The following NFRKB variants were observed in gnomAD, a reference collection of about 807,000 sequenced individuals.
NFRKB encodes nuclear factor related to kappa-B-binding protein.
In NFRKB, 62 loss-of-function variants were observed where a neutral mutation model predicts 135.7. The observed-to-expected ratio is 0.46, with a 90% confidence interval of 0.37 to 0.56. The LOEUF is 0.56. NFRKB is among the 20% of genes least tolerant of loss of function. The pLI, the probability that NFRKB is intolerant of heterozygous loss-of-function variation, is 0.00. For synonymous variants in NFRKB, 678 were observed against 635.6 expected (o/e 1.07, Z -1.00); for missense variants, 1,545 against 1,662.0 (o/e 0.93, Z 1.22).
chr11:129,881,825 G>T lies in NFRKB; in HGVS notation c.1220C>A (p.Ser407Ter). 1 of 1,611,928 alleles carries T rather than the reference G, an allele frequency of 6.2e-7. No individual in the cohort carries two copies. Among genetic ancestry groups the T allele is most frequent in the Non-Finnish European group, 8.5e-7 (1 of 1,179,138 alleles). ...GCTGTTGAGGGAGCTGGCTGGCGAT[G>T]ACTGCCAATCCAAAACTCGCTCCTC... Reference protein sequence around the residue: ...MLEERVLDWQSSPASSLNSWF... With the variant: ...MLEERVLDWQ The change falls in exon 12 of 27, where the codon TCA becomes TAA. Residue 407 changes from serine (S) to a stop codon, truncating the protein, a stop_gained. Coordinates refer to ENST00000682444, the MANE Select transcript of NFRKB (RefSeq NM_001143835.2). LOFTEE classifies it high-confidence loss of function.
chr11:129,893,151 G>A, intron 2 of NFRKB: 1 of 1,089,270 alleles, frequency 9.2e-7, no homozygotes, highest in Non-Finnish European at 1.2e-6. Context: ...AGTAAAATGA[G>A]ACTGAGAATA....
At chr11:129,868,952 G>A (rs1367993868) in intron 24 of NFRKB, among the ~76,000 whole-genome samples, 3 of 152,030 alleles carry the variant, frequency 2.0e-5, no homozygotes, top group African/African-American at 7.3e-5. Flanking sequence ...CCCAGGAGGC[G>A]GAGGTTGCAG....
At position 129,876,876 on chromosome 11, in the gene NFRKB, T is replaced by C; in HGVS notation, c.1592A>G (p.Gln531Arg). 1 of 1,614,052 alleles carries C rather than the reference T, an allele frequency of 6.2e-7. No homozygotes were observed. Among genetic ancestry groups the C allele is most frequent in the Non-Finnish European group, 8.5e-7 (1 of 1,179,994 alleles). Residue 531 changes from glutamine to arginine, a missense_variant, in exon 17 of 27, where the codon CAA (glutamine) becomes CGA (arginine). By Grantham distance (43) the Gln-to-Arg change is conservative (BLOSUM62 1). Around this residue, in one of 3 missense-constraint regions of NFRKB, gnomAD observed 114 missense variants for 211.0 expected, o/e 0.54. Coordinates refer to ENST00000682444, the MANE Select transcript of NFRKB (RefSeq NM_001143835.2). ...GCGAAAGGTGAACGCCTTATGGGGTTGGCTATACCTGTAACGCTCCTACCA... is the reference window on the plus strand; with the variant it reads ...GCGAAAGGTGAACGCCTTATGGGGTCGGCTATACCTGTAACGCTCCTACCA... ...FQEQERYRYS[Q>R]PHKAFTFRMH...
Position 129,870,199 on chromosome 11 carries a change from G to A in NFRKB, c.2826C>T (p.Ala942=). 2 of 1,614,216 alleles carry A rather than the reference G, an allele frequency of 1.2e-6. No individual in the cohort carries two copies. The highest frequency in any genetic ancestry group is 1.3e-5 in the African/African-American group (1 of 75,068). Residue 942 remains alanine (A), a synonymous_variant, in exon 24 of 27, where the codon GCC becomes GCT. Transcript: ENST00000682444. ...CCTTACCCTGGATGCGGAAGTTAGT[G>A]GCTGTGAGTGGAATGCTGTTGCCTG... ...PQTGNSIPLT[A]TNFRIQGKDV... is the part of the protein sequence containing the mutation.
intron 8 of NFRKB, 139 bp downstream of exon 8, chr11:129,883,931 G>C (rs1949147811): frequency 3.4e-6 from 3 of 893,136 alleles, no homozygotes; most frequent in Admixed American, 3.5e-5. Context: ...ATGCTAGCTA[G>C]CCTCGCCAGC....
chr11:129,876,624 G>A, intron 17 of NFRKB, 97 bp downstream of exon 17: 1 of 1,354,094 alleles, frequency 7.4e-7, no homozygotes, highest in Non-Finnish European at 1.0e-6. Context: ...AGCCTACCCT[G>A]GGTGGAGGGG....
At chr11:129,891,926 A>G (rs1436636694) in intron 3 of NFRKB, among the ~76,000 whole-genome samples, 2 of 152,202 alleles carry the variant, frequency 1.3e-5, no homozygotes, top group East Asian at 3.8e-4. Flanking sequence ...GGTCAGGGAG[A>G]GATTAACTGC....
At chr11:129,871,379 T>A (rs1783917) in intron 23 of NFRKB, among the ~76,000 whole-genome samples, 25,825 of 152,034 alleles carry the variant, frequency 0.17, 2,350 homozygotes, top group African/African-American at 0.24. Flanking sequence ...AAGCCACCAA[T>A]CCACTGGCCC....
At position 129,886,460 on chromosome 11, in the gene NFRKB, G is replaced by GTA; in HGVS notation, c.338-18_338-17dup. On this transcript the variant is annotated splice_polypyrimidine_tract_variant and intron_variant, in intron 4 of 26. Transcript: ENST00000682444. ...AAGTGTCCGTCTTAAAAAAATAAAG[G>GTA]TATATATATTTACATCAATCAACAA... 1.2e-6 allele frequency: 2 copies of GTA among 1,610,514 alleles called. No individual in the cohort carries two copies. The highest frequency in any genetic ancestry group is 1.7e-6 in the Non-Finnish European group (2 of 1,177,750).
At chr11:129,892,635 T>C in intron 3 of NFRKB, 80 bp downstream of exon 3, 3 of 1,445,362 alleles carry the variant, frequency 2.1e-6, no homozygotes, top group East Asian at 4.6e-5. Context: ...AGACTGGAAA[T>C]GTAGAGTGGA....
At position 129,884,162 on chromosome 11, in the gene NFRKB, C is replaced by T. The variant is rs764373362; in HGVS notation, c.743-19G>A. 4 of 1,609,288 alleles carry T rather than the reference C, an allele frequency of 2.5e-6. No homozygotes were observed. The African/African-American group carries it at 5.4e-5, about 22-fold the overall frequency. On this transcript the variant is annotated intron_variant, in intron 7 of 26. Coordinates refer to ENST00000682444, the MANE Select transcript of NFRKB (RefSeq NM_001143835.2). ...ACTTTATCTGAGAAAACAAACCAAA[C>T]CATATTCACTATCATGATTCTCCAA...
Position 129,874,397 on chromosome 11 carries a change from C to T in NFRKB, c.2059-64G>A. On this transcript the variant is annotated intron_variant, in intron 20 of 26. Coordinates refer to ENST00000682444, the MANE Select transcript of NFRKB (RefSeq NM_001143835.2). The surrounding 1 kb of genome is among the most constrained non-coding windows in gnomAD (Gnocchi z 4.5). Reference sequence around the variant, plus strand: ...AAGATCCCCCTAAAGGAAGGGACACCCCTACAGCTCCTGATGCCCCACACC... The same window carrying T: ...AAGATCCCCCTAAAGGAAGGGACACTCCTACAGCTCCTGATGCCCCACACC... 4 of 1,531,220 alleles carry T rather than the reference C, an allele frequency of 2.6e-6. No homozygotes were observed. The highest frequency in any genetic ancestry group is 2.6e-6 in the Non-Finnish European group (3 of 1,141,294). 94.9% of individuals were successfully genotyped at this position (1,531,220 alleles called of 1,614,324 possible). A position where few individuals can be genotyped will look rare whatever the true frequency, so the allele number is the denominator to read the frequency against.
rs764040502 is a variant in NFRKB at position 129,874,230 on chromosome 11, G to C, written c.2162C>G (p.Thr721Arg). The C allele has an allele frequency of 2.6e-6, 4 of 1,518,930 alleles. No individual in the cohort carries two copies. Among genetic ancestry groups the C allele is most frequent in the Non-Finnish European group, 3.5e-6 (4 of 1,136,094 alleles). 94.1% of individuals were successfully genotyped at this position (1,518,930 alleles called of 1,614,324 possible). The change falls in exon 21 of 27, where the codon ACA becomes AGA. Residue 721 changes from threonine to arginine, a missense_variant. By Grantham distance (71) the Thr-to-Arg change is moderately conservative. Around this residue, in one of 3 missense-constraint regions of NFRKB, gnomAD observed 753 missense variants for 804.3 expected, o/e 0.94. Transcript: ENST00000682444. The surrounding 1 kb of genome is among the most constrained non-coding windows in gnomAD (Gnocchi z 4.5). Reference protein sequence around the residue: ...SDSSMPPTPVTPVTPTTPALP... With the variant: ...SDSSMPPTPVRPVTPTTPALP... The stretch of plus-strand genomic sequence containing the variant: ...TGCTGGTGTGGTGGGGGTTACAGGT[G>C]TGACTGGGGTGGGTGGCATACTGGA...
intron 3 of NFRKB, 54 bp downstream of exon 3, chr11:129,892,661 C>T (rs1437921937): frequency 1.3e-6 from 2 of 1,583,154 alleles, no homozygotes; most frequent in Non-Finnish European, 1.7e-6. Flanking sequence ...TTTCCCACAG[C>T]TGTTACAAGG....
In NFRKB at chr11:129,881,813, C is replaced by G. The variant is rs1455366938; in HGVS notation, c.1232G>C (p.Ser411Thr). ...CGCAGAGAACCAGCTGTTGAGGGAG[C>G]TGGCTGGCGATGACTGCCAATCCAA... ...RVLDWQSSPA[S>T]SLNSWFSAAP... Residue 411 changes from serine (S) to threonine (T), a missense_variant, in exon 12 of 27, where the codon AGC becomes ACC. Physicochemically the swap from Ser to Thr is moderately conservative, Grantham distance 58. Coordinates refer to ENST00000682444, the MANE Select transcript of NFRKB (RefSeq NM_001143835.2). The G allele has an allele frequency of 1.2e-6, 2 of 1,613,056 alleles. No individual in the cohort carries two copies. Among genetic ancestry groups the G allele is most frequent in the South Asian group, 1.1e-5 (1 of 90,846 alleles).
intron 17 of NFRKB, 121 bp from the exon 18 acceptor site, chr11:129,875,584 A>T: frequency 3.2e-6 from 2 of 615,620 alleles, no homozygotes; most frequent in Admixed American, 2.7e-5. Context: ...ACCTTCCCTG[A>T]TGCCGGATTA....
chr11:129,879,757 A>G (rs1948941895), intron 13 of NFRKB, among the ~76,000 whole-genome samples: 1 of 152,046 alleles, frequency 6.6e-6, no homozygotes, highest in South Asian at 2.1e-4. Context: ...CTTCCTCCTC[A>G]GGTAACAGCA....
chr11:129,883,712 T>C (rs886583847), intron 8 of NFRKB, among the ~76,000 whole-genome samples: 8 of 152,196 alleles, frequency 5.3e-5, no homozygotes, highest in Non-Finnish European at 1.0e-4. Context: ...CATGGAATAA[T>C]GGAAACAGTA....
chr11:129,892,640 A>C, intron 3 of NFRKB, 75 bp downstream of exon 3: 2 of 1,465,652 alleles, frequency 1.4e-6, no homozygotes, highest in South Asian at 2.4e-5. Context: ...GGAAATGTAG[A>C]GTGGAAAAGG....
Sources: allele counts gnomAD v4.1 joint callset (sites outside exome capture counted in the v4.1 genomes callset), GRCh38; gene constraint gnomAD v4.1.1; regional missense constraint gnomAD v4.1.1; non-coding constraint Gnocchi (gnomAD v3.1); transcripts MANE v1.5; gene names NCBI Gene and HGNC (gene_info 2026-07-23, HGNC 2026-07-21).